Variants in CEP83 observed in about 807,000 individuals in gnomAD.
The protein encoded by CEP83 is centrosomal protein 83, also known as centrosomal protein of 83 kDa.
Under a neutral mutation model 101.9 loss-of-function variants are expected in CEP83, and 70 were observed. The ratio of observed to expected loss-of-function variants is 0.69; its 90% CI spans 0.57 to 0.84. CEP83 has a LOEUF of 0.84. CEP83 is among the 40% of genes least tolerant of loss of function. The pLI, the probability that CEP83 is intolerant of heterozygous loss-of-function variation, is 0.00. For missense variants in CEP83, 715 were observed against 787.2 expected (o/e 0.91, Z 1.10); for synonymous variants, 264 against 267.9 (o/e 0.99, Z 0.14).
chr12:94,423,768 G>A, intron 2 of CEP83: 1 of 1,613,514 alleles, frequency 6.2e-7, no homozygotes, highest in East Asian at 2.2e-5. Context: ...GGAAAGAATA[G>A]ACCCCATGCT....
chr12:94,360,474 TAAAC>T (rs1212137378), intron 11 of CEP83, among the ~76,000 whole-genome samples: 4 of 151,904 alleles, frequency 2.6e-5, no homozygotes, highest in African/African-American at 4.8e-5. Flanking sequence ...TCTACATACT[TAAAC>T]TAACTGGAAA....
At chr12:94,424,036 T>C (rs566780829) in intron 2 of CEP83, 9 of 1,612,302 alleles carry the variant, frequency 5.6e-6, no homozygotes, top group Non-Finnish European at 7.6e-6. Context: ...GCATGAGGTA[T>C]GAATGGTGGT....
chr12:94,377,742 T>C (rs2061626146), intron 7 of CEP83, among the ~76,000 whole-genome samples: 1 of 152,118 alleles, frequency 6.6e-6, no homozygotes, highest in Non-Finnish European at 1.5e-5. Flanking sequence ...CAATGGAAAG[T>C]TTCACATCAG....
At chr12:94,420,885 A>T (rs2064686826) in intron 2 of CEP83, among the ~76,000 whole-genome samples, 1 of 152,120 alleles carries the variant, frequency 6.6e-6, no homozygotes, top group African/African-American at 2.4e-5. Flanking sequence ...TGTATAAAGA[A>T]AGGAACTATA....
chr12:94,371,497 A>G (rs2061308415), intron 8 of CEP83, among the ~76,000 whole-genome samples: 1 of 152,232 alleles, frequency 6.6e-6, no homozygotes, highest in South Asian at 2.1e-4. Context: ...TAGTCATATA[A>G]TAAGGATTTA....
intron 13 of CEP83, among the ~76,000 whole-genome samples, chr12:94,332,443 G>A (rs1409002609): frequency 6.6e-6 from 1 of 151,960 alleles, no homozygotes; most frequent in Non-Finnish European, 1.5e-5. Flanking sequence ...CTTGCCTAAG[G>A]TCATACAAGA....
At chr12:94,368,396 A>G (rs140678646) in intron 9 of CEP83, 195 bp from the exon 10 acceptor site, 1 of 534,664 alleles carries the variant, frequency 1.9e-6, no homozygotes, top group East Asian at 3.1e-5. Context: ...ACTCAGAGCA[A>G]ATTTTCCTGT....
chr12:94,302,750 C>T (rs1968590980), downstream of CEP83, among the ~76,000 whole-genome samples: 1 of 152,176 alleles, frequency 6.6e-6, no homozygotes, highest in Non-Finnish European at 1.5e-5. Context: ...TTTCTGTCAA[C>T]TACTGCTGCT....
chr12:94,352,515 T>TA (rs2136790992), intron 11 of CEP83, among the ~76,000 whole-genome samples: 1 of 149,784 alleles, frequency 6.7e-6, no homozygotes, highest in African/African-American at 2.5e-5. Context: ...AAAAGAAATC[T>TA]AAAAAATGCC....
downstream of CEP83, chr12:94,307,398 ACAAT>A (rs368186032): frequency 2.6e-5 from 4 of 152,218 alleles, no homozygotes; most frequent in African/African-American, 7.2e-5. Flanking sequence ...TGTGCTGAAG[ACAAT>A]CAGTCACTGG....
chr12:94,402,229 C>T (rs562829213), intron 5 of CEP83: 18 of 152,068 alleles, frequency 1.2e-4, no homozygotes, highest in East Asian at 1.9e-4. Context: ...TCTCTTTCAA[C>T]AAATATTAAT....
the CEP83 span, among the ~76,000 whole-genome samples, chr12:94,273,073 C>A: frequency 6.6e-6 from 1 of 152,198 alleles, no homozygotes; most frequent in African/African-American, 2.4e-5. Context: ...TCTCTGGTCT[C>A]GGTTTCCTCA....
chr12:94,404,277 G>A (rs12425425), intron 4 of CEP83, among the ~76,000 whole-genome samples: 14,706 of 152,080 alleles, frequency 0.097, 824 homozygotes, highest in Admixed American at 0.15. Context: ...TTACCAGACA[G>A]GTAAAAAAGA....
chr12:94,359,956 G>A (rs2060664674), intron 11 of CEP83, among the ~76,000 whole-genome samples: 1 of 152,072 alleles, frequency 6.6e-6, no homozygotes, highest in Non-Finnish European at 1.5e-5. Flanking sequence ...TTTATCACAG[G>A]TATGCAAGGA....
chr12:94,404,798 T>C (rs568182668), intron 4 of CEP83, among the ~76,000 whole-genome samples: 2 of 152,324 alleles, frequency 1.3e-5, no homozygotes, highest in East Asian at 3.9e-4. Context: ...TTTCCTTTTA[T>C]TGAAGCAATC....
At chr12:94,303,514 A>T (rs370478946), downstream of CEP83, among the ~76,000 whole-genome samples, 27 of 152,324 alleles carry the variant, frequency 1.8e-4, no homozygotes, top group South Asian at 3.3e-3. Context: ...AGAGGAAGGC[A>T]GAATATATTA....
chr12:94,406,943 A>C lies in CEP83; in HGVS notation c.325-3681T>G, dbSNP rs181822083. Among the ~76,000 whole-genome samples, 1,387 of 152,016 alleles carry C rather than the reference A, an allele frequency of 9.1e-3. 22 individuals carry two copies. Among genetic ancestry groups the C allele is most frequent in the African/African-American group, 0.032 (1,309 of 41,420 alleles). On this transcript the variant is annotated intron_variant, in intron 4 of 16. Transcript: ENST00000397809. ...CTCTGTCTCAAAACAAAAAAAAAAA[A>C]ACAAAATTGAGCTTCCAGAGACGAA...
Position 94,308,143 on chromosome 12 carries a change from AAT to A in CEP83, c.*668_*669del, listed in dbSNP as rs997400322. 2 of 152,216 alleles carry A rather than the reference AAT, an allele frequency of 1.3e-5. No homozygotes were observed. The highest frequency in any genetic ancestry group is 4.8e-5 in the African/African-American group (2 of 41,466). The allele number at this position is 152,216 out of a possible 1,614,324, so 9.4% of individuals were successfully genotyped here. ...AAAAGGACCTGAGTTCAAGTTTTAT[AAT>A]CAATGGCCCCCTTGTTAATACAGCC... is the stretch of plus-strand genomic sequence containing the variant. On this transcript the variant is annotated 3_prime_UTR_variant, in exon 17 of 17. Coordinates refer to ENST00000397809, the MANE Select transcript of CEP83 (RefSeq NM_016122.3).
chr12:94,441,873 C>A (rs2066426457), intron 1 of CEP83, among the ~76,000 whole-genome samples: 1 of 148,290 alleles, frequency 6.7e-6, no homozygotes, highest in African/African-American at 2.5e-5. Flanking sequence ...CGAGATCGCA[C>A]CACTGCACTC....
Sources: gnomAD v4.1 joint callset for allele counts (sites outside exome capture counted in the v4.1 genomes callset) on GRCh38, gnomAD v4.1.1 for gene constraint, MANE v1.5 for transcripts, NCBI Gene and HGNC (gene_info 2026-07-23, HGNC 2026-07-21) for gene names.